Variants in NAA11 observed in about 807,000 individuals in gnomAD.
NAA11 encodes the protein N-alpha-acetyltransferase 11, NatA catalytic subunit.
NAA11 carries 15 observed loss-of-function variants against 16.1 expected under a neutral mutation model. The ratio of observed to expected loss-of-function variants is 0.93; its 90% CI spans 0.62 to 1.44. The LOEUF is 1.44. Among genes scored for constraint, NAA11 ranks in the 40% most tolerant of loss-of-function variants. NAA11 has a pLI of 0.00. For missense variants in NAA11, 298 were observed against 291.3 expected (o/e 1.02, Z -0.17); for synonymous variants, 122 against 112.4 (o/e 1.09, Z -0.54).
the NAA11 span, among the ~76,000 whole-genome samples, chr4:79,175,861 G>A: frequency 1.3e-5 from 2 of 151,956 alleles, no homozygotes; most frequent in Non-Finnish European, 1.5e-5. Context: ...TTCAGCCCAA[G>A]GCATTTTGCC....
the NAA11 span, among the ~76,000 whole-genome samples, chr4:79,164,479 A>G: frequency 1.3e-4 from 20 of 152,224 alleles, no homozygotes; most frequent in Admixed American, 1.3e-3. Flanking sequence ...TTACCTTCCT[A>G]TCTCCTCCCT....
chr4:79,323,863 C>T (rs544414100), intron 1 of NAA11, among the ~76,000 whole-genome samples: 10 of 151,794 alleles, frequency 6.6e-5, no homozygotes, highest in African/African-American at 2.4e-4. Context: ...ATTAGCCAGG[C>T]GAGGTGGCGG....
the NAA11 span, among the ~76,000 whole-genome samples, chr4:79,167,853 T>C: frequency 1.3e-5 from 2 of 152,016 alleles, no homozygotes; most frequent in African/African-American, 4.8e-5. Context: ...ACACACTTTT[T>C]TTTTACTCTT....
At chr4:79,218,772 T>C in the NAA11 span, among the ~76,000 whole-genome samples, 1,040 of 152,198 alleles carry the variant, frequency 6.8e-3, 3 homozygotes, top group Non-Finnish European at 0.012. Flanking sequence ...TCAAATTACT[T>C]TGGAAAGATT....
the NAA11 span, among the ~76,000 whole-genome samples, chr4:79,184,288 AAGG>A: frequency 1.3e-5 from 2 of 152,212 alleles, no homozygotes; most frequent in Non-Finnish European, 2.9e-5. Context: ...TTCTAATGTC[AAGG>A]AGGTTTTAAA....
chr4:79,180,220 G>C, the NAA11 span, among the ~76,000 whole-genome samples: 2 of 151,988 alleles, frequency 1.3e-5, no homozygotes, highest in Admixed American at 6.5e-5. Context: ...GCTTCAAATG[G>C]AGGAAAAAAA....
chr4:79,324,921 A>C (rs1019602902), intron 1 of NAA11, among the ~76,000 whole-genome samples: 1 of 152,246 alleles, frequency 6.6e-6, no homozygotes. Context: ...ACTCATGCCC[A>C]AAAAGCAGGA....
At chr4:79,275,159 C>T (rs1318650272) in intron 2 of NAA11, among the ~76,000 whole-genome samples, 1 of 115,736 alleles carries the variant, frequency 8.6e-6, no homozygotes, top group Non-Finnish European at 1.8e-5. Context: ...CTTATTTTTC[C>T]CCTCCTACAG....
At chr4:79,157,496 C>T in the NAA11 span, among the ~76,000 whole-genome samples, 3 of 151,192 alleles carry the variant, frequency 2.0e-5, no homozygotes, top group Non-Finnish European at 1.5e-5. Flanking sequence ...TATATACACA[C>T]ATATATATGT....
chr4:79,302,404 C>A (rs72870900), intron 1 of NAA11, among the ~76,000 whole-genome samples: 13,006 of 152,144 alleles, frequency 0.085, 888 homozygotes, highest in African/African-American at 0.18. Context: ...GTGTAAAAAT[C>A]TATAAACAAT....
the NAA11 span, among the ~76,000 whole-genome samples, chr4:79,219,652 T>C: frequency 2.9e-3 from 437 of 152,284 alleles, no homozygotes; most frequent in Non-Finnish European, 5.1e-3. Flanking sequence ...GAAAGACTAA[T>C]ACAATGATCA....
chr4:79,295,176 C>T (rs1430071297), intron 1 of NAA11, among the ~76,000 whole-genome samples: 1 of 152,174 alleles, frequency 6.6e-6, no homozygotes, highest in African/African-American at 2.4e-5. Context: ...CATGTTAGTG[C>T]ATCTTATTCT....
chr4:79,286,763 A>T (rs928527793), intron 2 of NAA11, among the ~76,000 whole-genome samples: 2 of 152,098 alleles, frequency 1.3e-5, no homozygotes, highest in African/African-American at 4.8e-5. Flanking sequence ...CACCTCACCA[A>T]ATTTACCATT....
chr4:79,220,331 G>A, the NAA11 span, among the ~76,000 whole-genome samples: 1 of 152,126 alleles, frequency 6.6e-6, no homozygotes, highest in Non-Finnish European at 1.5e-5. Context: ...GACCCCAAGT[G>A]ATCCACCCGC....
At chr4:79,257,239 C>T (rs1345342542) in intron 2 of NAA11, among the ~76,000 whole-genome samples, 2 of 152,152 alleles carry the variant, frequency 1.3e-5, no homozygotes, top group Admixed American at 6.5e-5. Flanking sequence ...ATCTTATTTA[C>T]ACCACTAGCT....
At chr4:79,190,064 AC>A in the NAA11 span, among the ~76,000 whole-genome samples, 2 of 152,320 alleles carry the variant, frequency 1.3e-5, no homozygotes, top group South Asian at 4.1e-4. Context: ...AACAGCAGAA[AC>A]AAAAAACCCG....
the NAA11 span, among the ~76,000 whole-genome samples, chr4:79,187,810 C>A: frequency 1.3e-5 from 2 of 151,850 alleles, no homozygotes; most frequent in Admixed American, 1.3e-4. Context: ...TCCTGGCTAA[C>A]ACGGTGAAAC....
chr4:79,189,062 C>T, the NAA11 span, among the ~76,000 whole-genome samples: 1 of 143,436 alleles, frequency 7.0e-6, no homozygotes, highest in Non-Finnish European at 1.5e-5. Context: ...AGGAGAACCG[C>T]GTGAACCCGG....
the NAA11 span, among the ~76,000 whole-genome samples, chr4:79,171,699 G>A: frequency 0.011 from 1,720 of 152,244 alleles, 32 homozygotes; most frequent in African/African-American, 0.04. Flanking sequence ...TATAATTTCA[G>A]AGAAAATGTT....
Sources: allele counts gnomAD v4.1 joint callset (sites outside exome capture counted in the v4.1 genomes callset), GRCh38; gene constraint gnomAD v4.1.1; transcripts MANE v1.5; gene names NCBI Gene and HGNC (gene_info 2026-07-23, HGNC 2026-07-21).